Variants in CHKA observed in about 807,000 individuals in gnomAD.
CHKA encodes CHETK-alpha.
In CHKA, 34 loss-of-function variants were observed where a neutral mutation model predicts 60.1. That is an observed-to-expected ratio of 0.57 (90% CI 0.43 to 0.75). CHKA has a LOEUF of 0.75. Among genes scored for constraint, CHKA ranks in the 30% least tolerant of loss-of-function variants. The pLI, the probability that CHKA is intolerant of heterozygous loss-of-function variation, is 0.00. For missense variants in CHKA, 563 were observed against 561.3 expected, an observed-to-expected ratio of 1.00 and a Z score of -0.03; for synonymous variants, 217 against 223.1, an observed-to-expected ratio of 0.97 and a Z score of 0.24.
chr11:68,097,007 C>G lies in CHKA; in HGVS notation c.462+12G>C. On this transcript the variant is annotated intron_variant, in intron 2 of 11. Transcript: ENST00000265689. Reference sequence around the variant, plus strand: ...CAGGATCCCCCCCTCCCAAAGTAGCCTACCAACTCACCATCTGCAAAATCG... The same window carrying G: ...CAGGATCCCCCCCTCCCAAAGTAGCGTACCAACTCACCATCTGCAAAATCG... 6.3e-7 allele frequency: 1 copy of G among 1,599,638 alleles called. No homozygotes were observed. Among genetic ancestry groups the G allele is most frequent in the East Asian group, 2.2e-5 (1 of 44,658 alleles).
At chr11:68,069,737 C>T (rs1856554406) in intron 6 of CHKA, among the ~76,000 whole-genome samples, 1 of 151,978 alleles carries the variant, frequency 6.6e-6, no homozygotes, top group Admixed American at 6.6e-5. Flanking sequence ...TGTGAGTGGC[C>T]TGCGCCAAGC....
At chr11:68,119,479 T>C (rs910776770) in intron 1 of CHKA, among the ~76,000 whole-genome samples, 1 of 152,114 alleles carries the variant, frequency 6.6e-6, no homozygotes, top group African/African-American at 2.4e-5. Flanking sequence ...ACGTTCTTTG[T>C]TTTTGTTTTT....
chr11:68,062,115 G>A (rs1856271439), intron 10 of CHKA, 81 bp from the exon 11 acceptor site: 1 of 1,009,344 alleles, frequency 9.9e-7, no homozygotes, highest in Non-Finnish European at 1.5e-6. Context: ...ATGCCAGATG[G>A]ACATTTTAAC....
chr11:68,098,028 T>C (rs1857570530), intron 1 of CHKA, among the ~76,000 whole-genome samples: 2 of 151,940 alleles, frequency 1.3e-5, no homozygotes, highest in South Asian at 2.1e-4. Flanking sequence ...TCCCAGCACT[T>C]TGGGAGGCCA....
At position 68,121,217 on chromosome 11, in the gene CHKA, C is replaced by T; in HGVS notation, c.-40G>A. 8.8e-7 allele frequency: 1 copy of T among 1,137,662 alleles called. No homozygotes were observed. The allele number at this position is 1,137,662 out of a possible 1,614,324, so 70.5% of individuals were successfully genotyped here. On this transcript the variant is annotated 5_prime_UTR_variant, in exon 1 of 12. Coordinates refer to ENST00000265689, the MANE Select transcript of CHKA (RefSeq NM_001277.3). ...CGAGGAGGCGCGGGCGGCCGCAGCG[C>T]GAGAGGACTAGGCTCAGAGTCCGGC...
Position 68,074,732 on chromosome 11 carries a change from C to T in CHKA, c.615G>A (p.Leu205=). 1.9e-6 allele frequency: 3 copies of T among 1,614,170 alleles called. No homozygotes were observed. Among genetic ancestry groups the T allele is most frequent in the Non-Finnish European group, 2.5e-6 (3 of 1,179,998 alleles). Residue 205 remains leucine, a synonymous_variant, in exon 4 of 12, where the codon CTG becomes CTA. Coordinates refer to ENST00000265689, the MANE Select transcript of CHKA (RefSeq NM_001277.3). ...KLYGIFPQGR[L]EQFIPSRRLD... ...CAAATCTTACCGGGATGAACTGCTC[C>T]AGTCGGCCTTGGGGAAAGATGCCAT... is the stretch of plus-strand genomic sequence containing the variant.
At chr11:68,120,329 T>C (rs1858574188) in intron 1 of CHKA, among the ~76,000 whole-genome samples, 1 of 152,180 alleles carries the variant, frequency 6.6e-6, no homozygotes, top group Non-Finnish European at 1.5e-5. Context: ...TGATGTCTCT[T>C]AGGGGATGAG....
At chr11:68,112,537 G>C (rs1338332457) in intron 1 of CHKA, among the ~76,000 whole-genome samples, 1 of 152,180 alleles carries the variant, frequency 6.6e-6, no homozygotes, top group African/African-American at 2.4e-5. Context: ...TGGAATTACA[G>C]GCATAAGCCA....
Position 68,108,970 on chromosome 11 carries a change from G to A in CHKA, c.351-11840C>T, listed in dbSNP as rs560517484. ...TTACTGGGGAGCCCCATTCTTTGAC[G>A]AGTTTTACCTCCAGGAGCTCTACGA... On this transcript the variant is annotated intron_variant, in intron 1 of 11. Coordinates refer to ENST00000265689, the MANE Select transcript of CHKA (RefSeq NM_001277.3). Among the ~76,000 whole-genome samples the A allele has an allele frequency of 2.0e-4, 30 of 151,992 alleles. 1 individual carries two copies. The South Asian group carries it at 6.0e-3, about 31-fold the overall frequency.
chr11:68,083,395 A>T (rs1590856365), intron 2 of CHKA, among the ~76,000 whole-genome samples: 1 of 152,316 alleles, frequency 6.6e-6, no homozygotes, highest in East Asian at 1.9e-4. Context: ...CTGATATATT[A>T]CATATTAATA....
intron 1 of CHKA, among the ~76,000 whole-genome samples, chr11:68,097,514 T>C (rs1012536432): frequency 9.2e-5 from 14 of 151,576 alleles, no homozygotes; most frequent in Non-Finnish European, 4.4e-5. Context: ...CAGGTGCCTG[T>C]AGTCCCAGCA....
At chr11:68,079,939 G>A (rs2134585822) in intron 3 of CHKA, among the ~76,000 whole-genome samples, 1 of 152,302 alleles carries the variant, frequency 6.6e-6, no homozygotes, top group South Asian at 2.1e-4. Flanking sequence ...CATGTAGACA[G>A]CCAGATCTGT....
chr11:68,070,467 C>T (rs1856579544), intron 5 of CHKA, among the ~76,000 whole-genome samples, 174 bp from the exon 6 acceptor site: 1 of 152,156 alleles, frequency 6.6e-6, no homozygotes, highest in African/African-American at 2.4e-5. Context: ...GGGTTCGTGG[C>T]ATTCTAGGAA....
At chr11:68,081,190 C>A (rs1856975880) in intron 3 of CHKA, among the ~76,000 whole-genome samples, 1 of 152,136 alleles carries the variant, frequency 6.6e-6, no homozygotes, top group African/African-American at 2.4e-5. Context: ...CAAACTTCCA[C>A]AGTCTACACT....
intron 11 of CHKA, among the ~76,000 whole-genome samples, chr11:68,054,950 C>T (rs1448125517): frequency 2.6e-5 from 4 of 152,212 alleles, no homozygotes; most frequent in African/African-American, 7.2e-5. Context: ...TCTCACTCAG[C>T]GTGCTGTCTC....
At chr11:68,061,097 T>G (rs1856224605) in intron 11 of CHKA, among the ~76,000 whole-genome samples, 1 of 64,596 alleles carries the variant, frequency 1.5e-5, no homozygotes, top group Non-Finnish European at 3.2e-5. Context: ...CAGTGACAGT[T>G]TTTTTTTTTT....
At chr11:68,058,957 C>T (rs1856122281) in intron 11 of CHKA, among the ~76,000 whole-genome samples, 2 of 152,088 alleles carry the variant, frequency 1.3e-5, no homozygotes, top group Non-Finnish European at 2.9e-5. Flanking sequence ...AGTGCAGTGG[C>T]GTGATCTCGG....
chr11:68,099,271 T>G (rs1303558822), intron 1 of CHKA, among the ~76,000 whole-genome samples: 1 of 152,238 alleles, frequency 6.6e-6, no homozygotes, highest in African/African-American at 2.4e-5. Context: ...TATCTGTGAT[T>G]ACACTAAAAG....
At chr11:68,057,708 C>CT (rs1214456281) in intron 11 of CHKA, among the ~76,000 whole-genome samples, 1 of 152,158 alleles carries the variant, frequency 6.6e-6, no homozygotes, top group African/African-American at 2.4e-5. Flanking sequence ...TTCAAGTTGA[C>CT]TGTTGTTTAT....
Sources: gnomAD v4.1 joint callset for allele counts (sites outside exome capture counted in the v4.1 genomes callset) on GRCh38, gnomAD v4.1.1 for gene constraint, MANE v1.5 for transcripts, NCBI Gene and HGNC (gene_info 2026-07-23, HGNC 2026-07-21) for gene names.